The following ACBD6 variants were observed in gnomAD, a reference collection of about 807,000 sequenced individuals.
The protein encoded by ACBD6 is acyl-CoA binding domain containing 6.
In ACBD6, 28 loss-of-function variants were observed where a neutral mutation model predicts 37.2. That is an observed-to-expected ratio of 0.75 (90% CI 0.56 to 1.03). The LOEUF (loss-of-function observed/expected upper bound fraction) is 1.03. Among genes scored for constraint, ACBD6 ranks in the 50% least tolerant of loss-of-function variants. ACBD6 has a pLI of 0.00. For missense variants in ACBD6, 340 were observed against 337.4 expected (o/e 1.01, Z -0.06); for synonymous variants, 113 against 126.8 (o/e 0.89, Z 0.73).
intron 7 of ACBD6, among the ~76,000 whole-genome samples, chr1:180,301,807 A>T (rs1650140956): frequency 6.6e-6 from 1 of 152,174 alleles, no homozygotes; most frequent in African/African-American, 2.4e-5. Flanking sequence ...GATGACCAGC[A>T]TCACCTGGCA....
chr1:180,451,595 G>A (rs1455581897), intron 3 of ACBD6, among the ~76,000 whole-genome samples: 2 of 152,120 alleles, frequency 1.3e-5, no homozygotes, highest in African/African-American at 4.8e-5. Context: ...AGAACACCCT[G>A]AAAACATACT....
intron 3 of ACBD6, among the ~76,000 whole-genome samples, chr1:180,484,832 G>A (rs1464635060): frequency 2.0e-5 from 3 of 152,078 alleles, no homozygotes; most frequent in African/African-American, 7.2e-5. Context: ...TTGGGAGGCT[G>A]AGGCGGGTGG....
chr1:180,457,934 A>G (rs1456541561), intron 3 of ACBD6, among the ~76,000 whole-genome samples: 4 of 151,752 alleles, frequency 2.6e-5, no homozygotes, highest in Non-Finnish European at 4.4e-5. Context: ...CTGGGATTAC[A>G]GGCGCCCACC....
At chr1:180,452,712 CA>C (rs1228746319) in intron 3 of ACBD6, among the ~76,000 whole-genome samples, 1 of 151,236 alleles carries the variant, frequency 6.6e-6, no homozygotes, top group Non-Finnish European at 1.5e-5. Flanking sequence ...ATAGACACAA[CA>C]AAAAATGATA....
chr1:180,355,386 T>C (rs957012693), intron 6 of ACBD6, among the ~76,000 whole-genome samples: 4 of 152,210 alleles, frequency 2.6e-5, no homozygotes, highest in African/African-American at 7.2e-5. Context: ...ATTCTTCTCT[T>C]TGAGTATGTT....
At chr1:180,398,476 C>T (rs938545801) in intron 5 of ACBD6, among the ~76,000 whole-genome samples, 5 of 152,152 alleles carry the variant, frequency 3.3e-5, no homozygotes, top group African/African-American at 1.2e-4. Flanking sequence ...AGTTTACACT[C>T]TGAAATACCT....
chr1:180,335,306 T>C (rs1174695684), intron 6 of ACBD6, among the ~76,000 whole-genome samples: 1 of 152,258 alleles, frequency 6.6e-6, no homozygotes, highest in Non-Finnish European at 1.5e-5. Flanking sequence ...TACTAACAGC[T>C]GATCTCTCGG....
At chr1:180,401,826 G>A (rs1647382401) in intron 5 of ACBD6, among the ~76,000 whole-genome samples, 1 of 150,218 alleles carries the variant, frequency 6.7e-6, no homozygotes, top group Admixed American at 6.7e-5. Context: ...GGGGAGAGGA[G>A]GGAAGGAAGG....
At chr1:180,320,362 C>T (rs536548025) in intron 6 of ACBD6, among the ~76,000 whole-genome samples, 4 of 152,212 alleles carry the variant, frequency 2.6e-5, no homozygotes, top group South Asian at 4.1e-4. Flanking sequence ...TTAGGCCAAG[C>T]GTGTGGGTCA....
At chr1:180,430,989 C>T (rs1455863876) in intron 3 of ACBD6, among the ~76,000 whole-genome samples, 1 of 152,120 alleles carries the variant, frequency 6.6e-6, no homozygotes, top group Non-Finnish European at 1.5e-5. Context: ...GCGTTTAGTA[C>T]AGGACACCCT....
At chr1:180,450,496 T>C (rs1204881931) in intron 3 of ACBD6, among the ~76,000 whole-genome samples, 2 of 152,164 alleles carry the variant, frequency 1.3e-5, no homozygotes, top group African/African-American at 2.4e-5. Context: ...CAGTGGCCCA[T>C]GCCTGTAATC....
intron 6 of ACBD6, among the ~76,000 whole-genome samples, chr1:180,349,546 T>C (rs867944347): frequency 4.6e-4 from 69 of 151,212 alleles, no homozygotes; most frequent in African/African-American, 1.6e-3. Flanking sequence ...TGAGCCACCG[T>C]GCCCAGCCTT....
chr1:180,335,410 T>C (rs1040767161), intron 6 of ACBD6, among the ~76,000 whole-genome samples: 1 of 152,086 alleles, frequency 6.6e-6, no homozygotes, highest in African/African-American at 2.4e-5. Flanking sequence ...CCAGCCAAAC[T>C]AAGCTTCATA....
At chr1:180,328,036 G>A (rs185289060) in intron 6 of ACBD6, among the ~76,000 whole-genome samples, 4 of 152,114 alleles carry the variant, frequency 2.6e-5, no homozygotes, top group African/African-American at 9.6e-5. Flanking sequence ...AGGTGTTGAC[G>A]AAAATATTAA....
chr1:180,347,363 T>G (rs972715783), intron 6 of ACBD6, among the ~76,000 whole-genome samples: 18 of 134,454 alleles, frequency 1.3e-4, no homozygotes, highest in Non-Finnish European at 2.1e-4. Flanking sequence ...ACAGAAAGTT[T>G]TTTTTTTTTT....
chr1:180,473,303 C>T (rs926933179), intron 3 of ACBD6, among the ~76,000 whole-genome samples: 4 of 151,500 alleles, frequency 2.6e-5, no homozygotes, highest in South Asian at 2.1e-4. Flanking sequence ...AAAAATTAGC[C>T]GGGCGTAGTG....
At chr1:180,393,472 G>A (rs1442997425) in intron 6 of ACBD6, among the ~76,000 whole-genome samples, 2 of 152,168 alleles carry the variant, frequency 1.3e-5, no homozygotes, top group Admixed American at 1.3e-4. Flanking sequence ...TTAGTACCAA[G>A]ATCTGTGGCC....
At chr1:180,320,152 C>A (rs1292629815) in intron 6 of ACBD6, among the ~76,000 whole-genome samples, 1 of 152,216 alleles carries the variant, frequency 6.6e-6, no homozygotes, top group East Asian at 1.9e-4. Flanking sequence ...TTTTCCACAT[C>A]TTTGCCAGTA....
At chr1:180,427,571 A>G (rs568342389) in intron 4 of ACBD6, among the ~76,000 whole-genome samples, 1 of 152,316 alleles carries the variant, frequency 6.6e-6, no homozygotes, top group East Asian at 1.9e-4. Context: ...TCTGATACGT[A>G]AGAAACCATA....
Sources: allele counts gnomAD v4.1 joint callset (sites outside exome capture counted in the v4.1 genomes callset), GRCh38; gene constraint gnomAD v4.1.1; transcripts MANE v1.5; gene names NCBI Gene and HGNC (gene_info 2026-07-23, HGNC 2026-07-21).